Variants in SPRY3 observed in about 807,000 individuals in gnomAD.
SPRY3 encodes protein sprouty homolog 3.
A neutral mutation model predicts 20.2 loss-of-function variants in SPRY3; 15 were observed. The observed-to-expected ratio is 0.74, with a 90% CI of 0.50 to 1.14. The LOEUF (loss-of-function observed/expected upper bound fraction) is 1.14. Among genes scored for constraint, SPRY3 ranks in the 50% most tolerant of loss-of-function variants. SPRY3 has a pLI of 0.00. For missense variants in SPRY3, 364 were observed against 363.9 expected (o/e 1.00, Z 0.00); for synonymous variants, 143 against 136.5 (o/e 1.05, Z -0.33).
intron 2 of SPRY3, among the ~76,000 whole-genome samples, chrX:155,670,612 CTTTTA>C (rs1453319784): frequency 1.8e-5 from 2 of 111,746 alleles, no homozygotes; most frequent in African/African-American, 6.5e-5. Context: ...TAGAATGTTT[CTTTTA>C]TTTGTATTTT....
chrX:155,663,929 A>G (rs1258564549), intron 2 of SPRY3, among the ~76,000 whole-genome samples: 2 of 111,316 alleles, frequency 1.8e-5, no homozygotes, highest in Admixed American at 1.9e-4. Flanking sequence ...GCAAGAATGG[A>G]CACCCCCTGC....
intron 2 of SPRY3, among the ~76,000 whole-genome samples, chrX:155,662,537 T>C (rs1381144908): frequency 9.1e-6 from 1 of 109,899 alleles, no homozygotes; most frequent in Non-Finnish European, 1.9e-5. Context: ...TGCTTGCAGA[T>C]AAAAGCCAGC....
At chrX:155,745,727 A>T (rs1467376901) in intron 2 of SPRY3, among the ~76,000 whole-genome samples, 1 of 152,126 alleles carries the variant, frequency 6.6e-6, no homozygotes, top group Non-Finnish European at 1.5e-5. Context: ...GAAGCTTAAG[A>T]TAAAATATGT....
At chrX:155,732,967 C>T (rs2091143790) in intron 2 of SPRY3, among the ~76,000 whole-genome samples, 1 of 151,776 alleles carries the variant, frequency 6.6e-6, no homozygotes, top group Non-Finnish European at 1.5e-5. Flanking sequence ...AACAACTGGG[C>T]TCAACGGAGA....
chrX:155,705,193 T>C (rs2124535711), intron 2 of SPRY3, among the ~76,000 whole-genome samples: 1 of 151,628 alleles, frequency 6.6e-6, no homozygotes, highest in South Asian at 2.1e-4. Flanking sequence ...ATTTATAGCA[T>C]ATATAAAATT....
At chrX:155,647,508 C>A (rs1283774641) in intron 1 of SPRY3, among the ~76,000 whole-genome samples, 2 of 110,105 alleles carry the variant, frequency 1.8e-5, no homozygotes, top group Non-Finnish European at 3.8e-5. Flanking sequence ...ACCCTGTGCC[C>A]ATATGGTCTC....
chrX:155,774,718 G>A (rs757826929), exon 4 of SPRY3: 1 of 1,612,686 alleles, frequency 6.2e-7, no homozygotes. Flanking sequence ...CTTCCCCAAG[G>A]CCCAGGAAAA....
At chrX:155,739,047 T>C (rs773186187) in intron 2 of SPRY3, among the ~76,000 whole-genome samples, 1 of 152,138 alleles carries the variant, frequency 6.6e-6, no homozygotes, top group South Asian at 2.1e-4. Flanking sequence ...CTGAGATGGA[T>C]TGAGTTCCTG....
chrX:155,733,046 G>A (rs1278693249), intron 2 of SPRY3, among the ~76,000 whole-genome samples: 6 of 151,666 alleles, frequency 4.0e-5, no homozygotes, highest in African/African-American at 1.2e-4. Flanking sequence ...ATGGTTAATG[G>A]GTACAAAACA....
Position 155,689,697 on chromosome X carries a change from ATCT to A in SPRY3, c.-282+32676_-282+32678del, listed in dbSNP as rs759295491. Among the ~76,000 whole-genome samples, 20 of 81,382 alleles carry A rather than the reference ATCT, an allele frequency of 2.5e-4. 4 individuals are homozygous for A. The highest frequency in any genetic ancestry group is 1.2e-3 in the African/African-American group (19 of 16,515). 70.7% of individuals were successfully genotyped at this position (81,382 alleles called of 115,157 possible). ...GTCATTTTTAATTGTGTTTATTTAG[ATCT>A]TCTCTCCTTTTTTTCTTTCTTAGTC... is the stretch of plus-strand genomic sequence containing the variant. On this transcript the variant is annotated intron_variant, in intron 2 of 3. Coordinates refer to ENST00000675360, the Ensembl canonical transcript of SPRY3.
At chrX:155,669,234 G>A (rs2068033135) in intron 2 of SPRY3, among the ~76,000 whole-genome samples, 2 of 111,006 alleles carry the variant, frequency 1.8e-5, no homozygotes, top group South Asian at 7.5e-4. Context: ...CACCTTAAAA[G>A]TGTTACCATT....
At chrX:155,698,528 G>A (rs1485765451) in intron 2 of SPRY3, among the ~76,000 whole-genome samples, 2 of 111,986 alleles carry the variant, frequency 1.8e-5, no homozygotes, top group Non-Finnish European at 3.8e-5. Context: ...TCCCAGGGAA[G>A]AGAAATAACT....
intron 1 of SPRY3, among the ~76,000 whole-genome samples, chrX:155,654,394 A>T (rs782018248): frequency 3.6e-5 from 4 of 111,437 alleles, no homozygotes; most frequent in Non-Finnish European, 7.5e-5. Context: ...ACATAATGAT[A>T]AAGTCTGGAT....
chrX:155,728,805 C>T (rs755918350), intron 2 of SPRY3, among the ~76,000 whole-genome samples: 6 of 152,246 alleles, frequency 3.9e-5, no homozygotes, highest in African/African-American at 1.4e-4. Context: ...GACTCGCCCA[C>T]CGTGGGCTGG....
chrX:155,725,411 A>G (rs2091090488), intron 2 of SPRY3, among the ~76,000 whole-genome samples: 1 of 152,010 alleles, frequency 6.6e-6, no homozygotes, highest in African/African-American at 2.4e-5. Context: ...TCCTCTTTGT[A>G]CCTCTGGTAG....
chrX:155,773,253 T>C (rs1438958031), intron 3 of SPRY3, among the ~76,000 whole-genome samples: 1 of 149,666 alleles, frequency 6.7e-6, no homozygotes, highest in Non-Finnish European at 1.5e-5. Flanking sequence ...TGTCCTTTCT[T>C]ATCTGTTTAT....
chrX:155,670,384 A>G (rs1228842576), intron 2 of SPRY3, among the ~76,000 whole-genome samples: 1 of 111,882 alleles, frequency 8.9e-6, no homozygotes, highest in African/African-American at 3.2e-5. Flanking sequence ...CCTCTGGGGA[A>G]GCTTCTTGCA....
At chrX:155,776,524 C>T (rs2091427242) in exon 4 of SPRY3, 1 of 167,032 alleles carries the variant, frequency 6.0e-6, no homozygotes, top group African/African-American at 2.4e-5. Flanking sequence ...ATGGCAGGCT[C>T]CTAAAGACTG....
chrX:155,679,728 C>A (rs745423407), intron 2 of SPRY3, among the ~76,000 whole-genome samples: 4 of 111,717 alleles, frequency 3.6e-5, no homozygotes, highest in Non-Finnish European at 7.5e-5. Context: ...TACATACTAG[C>A]AGTCTGTATT....
Sources: allele counts gnomAD v4.1 joint callset (sites outside exome capture counted in the v4.1 genomes callset), GRCh38; gene constraint gnomAD v4.1.1; transcripts MANE v1.5; gene names NCBI Gene and HGNC (gene_info 2026-07-23, HGNC 2026-07-21).